Variants in ZNF329 observed in about 807,000 individuals in gnomAD.
ZNF329 encodes the protein zinc finger protein 329.
In ZNF329, 15 loss-of-function variants were observed where a neutral mutation model predicts 26.6. The observed-to-expected ratio is 0.56, with a 90% CI of 0.38 to 0.87. The LOEUF is 0.87. Ranked by LOEUF, ZNF329 falls within the 40% of genes least tolerant of loss-of-function variation. ZNF329 has a pLI of 0.00. For synonymous variants in ZNF329, 239 were observed against 233.5 expected, an observed-to-expected ratio of 1.02 and a Z score of -0.21; for missense variants, 651 against 651.9, an observed-to-expected ratio of 1.00 and a Z score of 0.02.
intron 3 of ZNF329, among the ~76,000 whole-genome samples, chr19:58,139,420 A>G (rs2075138094): frequency 6.6e-6 from 1 of 152,208 alleles, no homozygotes; most frequent in African/African-American, 2.4e-5. Context: ...TCTATTTCTC[A>G]CAGTTCTGGA....
intron 1 of ZNF329, among the ~76,000 whole-genome samples, chr19:58,148,901 C>CA (rs2075387601): frequency 6.6e-6 from 1 of 152,210 alleles, no homozygotes; most frequent in Non-Finnish European, 1.5e-5. Flanking sequence ...AACCCTATGT[C>CA]AGAGGCGTTT....
At chr19:58,153,373 G>T (rs2146153654), upstream of ZNF329, among the ~76,000 whole-genome samples, 1 of 152,330 alleles carries the variant, frequency 6.6e-6, no homozygotes, top group South Asian at 2.1e-4. Context: ...GCCTCCCAAA[G>T]TGCTGGGATG....
At chr19:58,147,654 C>T (rs2075354109) in intron 1 of ZNF329, among the ~76,000 whole-genome samples, 1 of 147,676 alleles carries the variant, frequency 6.8e-6, no homozygotes, top group Non-Finnish European at 1.5e-5. Context: ...GGGGGGCCAG[C>T]CCCCCGCCCG....
At chr19:58,141,893 C>CAAA (rs75871989) in intron 3 of ZNF329, among the ~76,000 whole-genome samples, 3 of 123,252 alleles carry the variant, frequency 2.4e-5, no homozygotes, top group African/African-American at 8.8e-5. Context: ...ACCTCCATCT[C>CAAA]AAAAAAAAAA....
At chr19:58,148,573 C>T (rs1035664303) in intron 1 of ZNF329, among the ~76,000 whole-genome samples, 4 of 151,586 alleles carry the variant, frequency 2.6e-5, no homozygotes, top group Non-Finnish European at 4.4e-5. Context: ...TTCTTTTTGG[C>T]TGGGTGTGGT....
upstream of ZNF329, chr19:58,155,034 C>T (rs2075519814): frequency 1.3e-5 from 2 of 152,304 alleles, no homozygotes; most frequent in Non-Finnish European, 2.9e-5. Context: ...CGGCCCCGTT[C>T]TATCCCGCAG....
At chr19:58,133,573 C>CAAAAA (rs550883483) in intron 3 of ZNF329, among the ~76,000 whole-genome samples, 122 of 130,976 alleles carry the variant, frequency 9.3e-4, no homozygotes, top group African/African-American at 3.2e-3. Context: ...GAGACTGTCT[C>CAAAAA]AAAAAAAAAA....
chr19:58,147,955 G>C (rs920519157), intron 1 of ZNF329, among the ~76,000 whole-genome samples: 4 of 152,128 alleles, frequency 2.6e-5, no homozygotes, highest in African/African-American at 9.7e-5. Flanking sequence ...AATAGAAAGG[G>C]GGGAAAGGTG....
intron 1 of ZNF329, among the ~76,000 whole-genome samples, chr19:58,144,780 T>A (rs1032591185): frequency 1.3e-5 from 2 of 150,780 alleles, no homozygotes; most frequent in African/African-American, 4.9e-5. Flanking sequence ...TGGCTCACTG[T>A]AATCTTGAAT....
At chr19:58,148,409 A>AAG (rs1555811276) in intron 1 of ZNF329, among the ~76,000 whole-genome samples, 10 of 151,276 alleles carry the variant, frequency 6.6e-5, no homozygotes, top group Non-Finnish European at 1.5e-4. Context: ...AAAAAAAAAA[A>AAG]AGAGAGGAAG....
chr19:58,136,079 A>T (rs2075058987), intron 3 of ZNF329, among the ~76,000 whole-genome samples: 1 of 151,954 alleles, frequency 6.6e-6, no homozygotes, highest in Admixed American at 6.6e-5. Context: ...AAAAATACAA[A>T]AATTAGCCAG....
intron 1 of ZNF329, among the ~76,000 whole-genome samples, chr19:58,150,304 G>A (rs1390726094): frequency 1.3e-5 from 2 of 152,158 alleles, no homozygotes; most frequent in Non-Finnish European, 2.9e-5. Flanking sequence ...GCTCACGGCC[G>A]CCAATTCAGC....
chr19:58,154,695 A>ACCCCC (rs59523890), upstream of ZNF329: 1 of 133,442 alleles, frequency 7.5e-6, no homozygotes, highest in Admixed American at 7.3e-5. Context: ...CTCGCAGACC[A>ACCCCC]CCCCCCCCCC....
intron 3 of ZNF329, among the ~76,000 whole-genome samples, chr19:58,138,627 C>T (rs59114323): frequency 0.19 from 29,279 of 152,140 alleles, 3,143 homozygotes; most frequent in Middle Eastern, 0.32. Context: ...TGGTCTGTGG[C>T]CATCCTGTGA....
intron 3 of ZNF329, chr19:58,136,931 C>A: frequency 5.4e-6 from 1 of 184,624 alleles, no homozygotes; most frequent in Non-Finnish European, 1.2e-5. Flanking sequence ...GATCCTCCAA[C>A]AATAAACAAC....
intron 3 of ZNF329, among the ~76,000 whole-genome samples, chr19:58,133,190 T>A (rs996681737): frequency 6.6e-6 from 1 of 152,098 alleles, no homozygotes; most frequent in Non-Finnish European, 1.5e-5. Flanking sequence ...GATCACTTAA[T>A]AGAAAAACTG....
intron 3 of ZNF329, among the ~76,000 whole-genome samples, chr19:58,138,131 T>C (rs925454591): frequency 2.6e-5 from 4 of 152,182 alleles, no homozygotes; most frequent in Non-Finnish European, 4.4e-5. Context: ...GGAACATCTA[T>C]TAACACAATT....
chr19:58,141,119 G>T (rs909938893), intron 3 of ZNF329, among the ~76,000 whole-genome samples: 3 of 151,734 alleles, frequency 2.0e-5, no homozygotes, highest in African/African-American at 7.3e-5. Context: ...GCCTCGCAAA[G>T]TGCTGGGATT....
In ZNF329 at chr19:58,149,923, A is replaced by G. The variant is rs114247304; in HGVS notation, c.-208+829T>C. 4.1e-3 allele frequency among the ~76,000 whole-genome samples: 620 copies of G among 152,308 alleles called. 4 individuals are homozygous for G. The highest frequency in any genetic ancestry group is 0.015 in the African/African-American group (603 of 41,562). On this transcript the variant is annotated intron_variant, in intron 1 of 3. Transcript: ENST00000598312. ...AGGTGTTTGAGGGAGAAGTGTTGTGATATCTGCAACTTACTTTGAAATGTT... is the reference window on the plus strand; with the variant it reads ...AGGTGTTTGAGGGAGAAGTGTTGTGGTATCTGCAACTTACTTTGAAATGTT...
Sources: allele counts gnomAD v4.1 joint callset (sites outside exome capture counted in the v4.1 genomes callset), GRCh38; gene constraint gnomAD v4.1.1; transcripts MANE v1.5; gene names NCBI Gene and HGNC (gene_info 2026-07-23, HGNC 2026-07-21).